Variants in KAZN observed in about 807,000 individuals in gnomAD.
KAZN encodes kazrin, periplakin interacting protein.
Under a neutral mutation model 87.4 loss-of-function variants are expected in KAZN, and 40 were observed. That is an observed-to-expected ratio of 0.46 (90% CI 0.36 to 0.60). The LOEUF (loss-of-function observed/expected upper bound fraction) is 0.60. Among genes scored for constraint, KAZN ranks in the 20% least tolerant of loss-of-function variants. The pLI is 0.00. For synonymous variants in KAZN, 466 were observed against 458.3 expected (o/e 1.02, Z -0.22); for missense variants, 898 against 1,073.9 (o/e 0.84, Z 2.29).
chr1:13,964,254 T>A (rs1044099805), intron 1 of KAZN, among the ~76,000 whole-genome samples: 2 of 152,226 alleles, frequency 1.3e-5, no homozygotes, highest in Admixed American at 6.5e-5. Flanking sequence ...TAAACAATGG[T>A]GTTTAACAAC....
intron 1 of KAZN, among the ~76,000 whole-genome samples, chr1:13,970,172 G>A (rs1259549623): frequency 6.6e-6 from 1 of 152,192 alleles, no homozygotes; most frequent in Non-Finnish European, 1.5e-5. Context: ...TGGTTTTTAA[G>A]CAAAAGGAAT....
chr1:14,452,501 C>T lies in KAZN; in HGVS notation c.250-146482C>T, dbSNP rs151196680. 1.3e-3 allele frequency among the ~76,000 whole-genome samples: 205 copies of T among 152,284 alleles called. 1 individual carries two copies. The highest frequency in any genetic ancestry group is 4.3e-3 in the African/African-American group (177 of 41,570). On this transcript the variant is annotated intron_variant, in intron 2 of 16. Transcript: ENST00000636203. Reference sequence around the variant, plus strand: ...GGGCTGCAAGGACAGGCAAAAGGCGCTCAGTCACAATATACCTTGAGGGTT... The same window carrying T: ...GGGCTGCAAGGACAGGCAAAAGGCGTTCAGTCACAATATACCTTGAGGGTT...
At chr1:15,075,571 G>A (rs1180703803) in intron 8 of KAZN, among the ~76,000 whole-genome samples, 2 of 152,144 alleles carry the variant, frequency 1.3e-5, no homozygotes, top group African/African-American at 4.8e-5. Flanking sequence ...GTTCTGTGGC[G>A]ATCTCTAAGC....
intron 1 of KAZN, among the ~76,000 whole-genome samples, chr1:13,975,752 G>A (rs1401294937): frequency 6.6e-6 from 1 of 152,162 alleles, no homozygotes; most frequent in African/African-American, 2.4e-5. Flanking sequence ...CACGAGTCAC[G>A]TCATGATGTT....
chr1:15,008,116 C>A (rs1222622014), intron 2 of KAZN, among the ~76,000 whole-genome samples: 1 of 152,184 alleles, frequency 6.6e-6, no homozygotes, highest in Non-Finnish European at 1.5e-5. Context: ...TCGTGGCCTG[C>A]GGAAGTGGGT....
chr1:13,924,494 A>G lies in KAZN; in HGVS notation c.91+30738A>G, dbSNP rs532092488. Among the ~76,000 whole-genome samples the G allele has an allele frequency of 2.6e-5, 4 of 152,324 alleles. No homozygotes were observed. The South Asian group carries it at 8.3e-4, about 32-fold the overall frequency. On this transcript the variant is annotated intron_variant, in intron 1 of 16. Transcript: ENST00000636203. ...GGAAAATAAATCTTGGGGCCCCAATATCACTAATCTAAAGGGAAAAGTCAA... is the reference window on the plus strand; with the variant it reads ...GGAAAATAAATCTTGGGGCCCCAATGTCACTAATCTAAAGGGAAAAGTCAA...
chr1:14,225,528 T>C (rs147682382), intron 2 of KAZN, among the ~76,000 whole-genome samples: 1 of 152,066 alleles, frequency 6.6e-6, no homozygotes, highest in African/African-American at 2.4e-5. Context: ...TAGAAAAAAA[T>C]TCTAAAATTC....
intron 1 of KAZN, among the ~76,000 whole-genome samples, chr1:14,918,110 C>A (rs1658019637): frequency 6.6e-6 from 1 of 152,012 alleles, no homozygotes; most frequent in African/African-American, 2.4e-5. Context: ...ATCTCTTAAC[C>A]TTGTGATCCG....
intron 1 of KAZN, among the ~76,000 whole-genome samples, chr1:14,106,832 A>G (rs953067174): frequency 6.6e-6 from 1 of 152,160 alleles, no homozygotes; most frequent in Non-Finnish European, 1.5e-5. Flanking sequence ...CTCTGCTTTT[A>G]TGTATGTGCT....
intron 1 of KAZN, among the ~76,000 whole-genome samples, chr1:14,038,513 G>T (rs1039387236): frequency 6.6e-6 from 1 of 152,152 alleles, no homozygotes; most frequent in Non-Finnish European, 1.5e-5. Context: ...AGGTCTGAGG[G>T]CAGGGCTCCA....
rs1639215342 is a variant in KAZN at position 15,066,244 on chromosome 1, T to C, written c.1222+491T>C. On this transcript the variant is annotated intron_variant, in intron 8 of 14. Coordinates refer to ENST00000376030, the MANE Select transcript of KAZN (RefSeq NM_201628.3). This position sits in a 1 kb window ranked among gnomAD's most constrained non-coding sequence, Gnocchi z 4.3. ...GTGTATTTGTAAATAACAAAACTAT[T>C]GTGCACTCTGTGCTTGTAAATGTCC... 1.0e-6 allele frequency: 1 copy of C among 987,112 alleles called. No homozygotes were observed. Among genetic ancestry groups the C allele is most frequent in the Non-Finnish European group, 1.2e-6 (1 of 831,122 alleles). The allele number at this position is 987,112 out of a possible 1,614,324, so 61.1% of individuals were successfully genotyped here.
intron 1 of KAZN, among the ~76,000 whole-genome samples, chr1:14,689,197 A>AACAAG (rs954586217): frequency 6.0e-5 from 2 of 33,366 alleles, no homozygotes; most frequent in Non-Finnish European, 1.4e-4. Flanking sequence ...TCTGTCTCAA[A>AACAAG]ACAAAACAAA....
At chr1:14,165,463 G>T (rs115999138) in intron 1 of KAZN, among the ~76,000 whole-genome samples, 1 of 152,116 alleles carries the variant, frequency 6.6e-6, no homozygotes, top group Admixed American at 6.5e-5. Context: ...CCTCCTGTCC[G>T]TGGCTCACCC....
intron 2 of KAZN, among the ~76,000 whole-genome samples, chr1:14,282,997 G>A (rs183817091): frequency 2.6e-5 from 4 of 152,292 alleles, no homozygotes; most frequent in Admixed American, 6.5e-5. Context: ...AGACAAATGA[G>A]TTTATTTATT....
At chr1:14,525,127 T>A (rs1671794399) in intron 2 of KAZN, among the ~76,000 whole-genome samples, 1 of 152,234 alleles carries the variant, frequency 6.6e-6, no homozygotes, top group African/African-American at 2.4e-5. Context: ...CCCATGTATA[T>A]GTATGGACGT....
intron 1 of KAZN, among the ~76,000 whole-genome samples, chr1:14,909,127 G>T (rs564769116): frequency 6.6e-6 from 1 of 152,306 alleles, no homozygotes; most frequent in East Asian, 1.9e-4. Context: ...TCCATAAAAA[G>T]GACATAAAAC....
At chr1:14,340,887 C>CTTTTTTTTTTTT (rs1557650364) in intron 2 of KAZN, among the ~76,000 whole-genome samples, 13 of 45,122 alleles carry the variant, frequency 2.9e-4, no homozygotes, top group African/African-American at 1.5e-3. Flanking sequence ...CATGATTTTC[C>CTTTTTTTTTTTT]CTTTTTTTTT....
chr1:14,935,876 C>T (rs1183338584), intron 1 of KAZN, among the ~76,000 whole-genome samples: 1 of 152,180 alleles, frequency 6.6e-6, no homozygotes, highest in Non-Finnish European at 1.5e-5. Context: ...GCAAGCGGAG[C>T]TGCAGCCTAT....
intron 2 of KAZN, among the ~76,000 whole-genome samples, chr1:14,509,757 C>T (rs1219910816): frequency 6.6e-6 from 1 of 152,098 alleles, no homozygotes; most frequent in Non-Finnish European, 1.5e-5. Flanking sequence ...AAAATAAATA[C>T]ACACTCATCT....
Sources: allele counts gnomAD v4.1 joint callset (sites outside exome capture counted in the v4.1 genomes callset), GRCh38; gene constraint gnomAD v4.1.1; non-coding constraint Gnocchi (gnomAD v3.1); transcripts MANE v1.5; gene names NCBI Gene and HGNC (gene_info 2026-07-23, HGNC 2026-07-21).